Variants in CACNA2D3 observed in about 807,000 individuals in gnomAD.
CACNA2D3 encodes voltage-dependent calcium channel subunit alpha-2/delta-3.
A neutral mutation model predicts 160.6 loss-of-function variants in CACNA2D3; 60 were observed. That is an observed-to-expected ratio of 0.37 (90% CI 0.30 to 0.46). The LOEUF (loss-of-function observed/expected upper bound fraction) is 0.46, where lower values mean the gene tolerates loss of function less well. CACNA2D3 is among the 20% of genes least tolerant of loss of function. The probability of loss-of-function intolerance (pLI) is 1.00; values close to 1 mark genes in which losing one functional copy is unlikely to be tolerated. For missense variants in CACNA2D3, 1,205 were observed against 1,365.0 expected, an observed-to-expected ratio of 0.88 and a Z score of 1.85; for synonymous variants, 558 against 492.9, an observed-to-expected ratio of 1.13 and a Z score of -1.75.
rs150642927 is a variant in CACNA2D3 at position 54,561,848 on chromosome 3, AACTGACTC to A, written c.545-949_545-942del. Among the ~76,000 whole-genome samples the A allele has an allele frequency of 1.1e-3, 162 of 152,328 alleles. No individual in the cohort carries two copies. In the East Asian group the frequency reaches 0.016, roughly 15 times the overall value. The stretch of plus-strand genomic sequence containing the variant: ...GATAATTTATAAAGGAAAGAGGTTT[AACTGACTC>A]ACAGTTCCACATGGCTGGGGAGGCC... On this transcript the variant is annotated intron_variant, in intron 5 of 37. Transcript: ENST00000474759.
intron 4 of CACNA2D3, among the ~76,000 whole-genome samples, chr3:54,438,758 CA>C (rs1161015853): frequency 6.6e-6 from 1 of 152,174 alleles, no homozygotes; most frequent in African/African-American, 2.4e-5. Flanking sequence ...GGTAATTTAA[CA>C]ATCATTAAGG....
intron 31 of CACNA2D3, among the ~76,000 whole-genome samples, chr3:54,995,785 A>T (rs1293955800): frequency 6.6e-6 from 1 of 152,216 alleles, no homozygotes; most frequent in Non-Finnish European, 1.5e-5. Flanking sequence ...TTATTGTGAA[A>T]CTACTGATAG....
chr3:55,003,077 C>T (rs1703017530), intron 31 of CACNA2D3, among the ~76,000 whole-genome samples: 1 of 152,200 alleles, frequency 6.6e-6, no homozygotes, highest in African/African-American at 2.4e-5. Flanking sequence ...AGTCCTGCTG[C>T]ATGAAGCTTT....
At chr3:54,441,842 A>G (rs545850554) in intron 4 of CACNA2D3, among the ~76,000 whole-genome samples, 226 of 152,348 alleles carry the variant, frequency 1.5e-3, no homozygotes, top group Non-Finnish European at 2.6e-3. Context: ...GACGAATGAT[A>G]TATTTGATTG....
intron 25 of CACNA2D3, among the ~76,000 whole-genome samples, chr3:54,892,242 A>AGT (rs139414837): frequency 0.014 from 2,168 of 152,100 alleles, 43 homozygotes; most frequent in African/African-American, 0.049. Context: ...GTGGTTTGCA[A>AGT]GTGTGTGTGT....
chr3:54,808,362 C>T (rs1293350664), intron 13 of CACNA2D3, among the ~76,000 whole-genome samples: 1 of 152,130 alleles, frequency 6.6e-6, no homozygotes, highest in Non-Finnish European at 1.5e-5. Flanking sequence ...CACTGCCATG[C>T]CCTCCCTGCT....
chr3:54,718,445 C>A (rs1468970298), intron 11 of CACNA2D3, among the ~76,000 whole-genome samples: 1 of 151,942 alleles, frequency 6.6e-6, no homozygotes, highest in South Asian at 2.1e-4. Flanking sequence ...GTTGATGCAG[C>A]ACGATTTATG....
intron 4 of CACNA2D3, among the ~76,000 whole-genome samples, chr3:54,489,656 G>A (rs1178350000): frequency 6.6e-6 from 1 of 152,208 alleles, no homozygotes; most frequent in Admixed American, 6.5e-5. Context: ...GTGTGCTGGA[G>A]TTAAACACTT....
At chr3:54,220,811 C>T (rs1701553768) in intron 2 of CACNA2D3, among the ~76,000 whole-genome samples, 2 of 152,204 alleles carry the variant, frequency 1.3e-5, no homozygotes, top group South Asian at 4.1e-4. Flanking sequence ...GTGTCCTGCT[C>T]AGCTATGCTG....
chr3:54,291,095 G>A (rs58876684), intron 2 of CACNA2D3, among the ~76,000 whole-genome samples: 30,881 of 152,062 alleles, frequency 0.2, 3,294 homozygotes, highest in East Asian at 0.25. Flanking sequence ...TACACAGGAT[G>A]GATGGAAAAC....
At chr3:54,676,039 TC>T (rs1198995766) in intron 11 of CACNA2D3, among the ~76,000 whole-genome samples, 1 of 152,202 alleles carries the variant, frequency 6.6e-6, no homozygotes, top group Non-Finnish European at 1.5e-5. Context: ...TGCTGGGTTT[TC>T]ATTTCAGTGC....
intron 4 of CACNA2D3, among the ~76,000 whole-genome samples, chr3:54,392,553 G>A (rs1014801907): frequency 2.6e-5 from 4 of 152,144 alleles, no homozygotes; most frequent in Non-Finnish European, 4.4e-5. Flanking sequence ...ACATTCAGAG[G>A]GATAACAGGT....
intron 2 of CACNA2D3, among the ~76,000 whole-genome samples, chr3:54,228,138 A>G (rs1042214375): frequency 6.6e-6 from 1 of 152,192 alleles, no homozygotes; most frequent in Non-Finnish European, 1.5e-5. Flanking sequence ...CTTAGACACT[A>G]GGGACAGTAG....
At chr3:54,708,597 G>A (rs1328038187) in intron 11 of CACNA2D3, among the ~76,000 whole-genome samples, 1 of 152,162 alleles carries the variant, frequency 6.6e-6, no homozygotes, top group African/African-American at 2.4e-5. Flanking sequence ...CTTGGCCCAA[G>A]TATGCAGGAG....
intron 9 of CACNA2D3, among the ~76,000 whole-genome samples, chr3:54,595,569 GC>G (rs1702939607): frequency 1.3e-5 from 2 of 152,188 alleles, no homozygotes; most frequent in South Asian, 4.2e-4. Context: ...CAGTGCCCAT[GC>G]CTTTCTTTGC....
chr3:54,804,789 A>G (rs2951875), intron 13 of CACNA2D3, among the ~76,000 whole-genome samples: 112,059 of 152,030 alleles, frequency 0.74, 41,719 homozygotes, highest in African/African-American at 0.83. Context: ...AGAATTGACC[A>G]CATAGTTGGA....
chr3:54,753,286 C>G (rs1701902438), intron 12 of CACNA2D3, among the ~76,000 whole-genome samples: 1 of 152,234 alleles, frequency 6.6e-6, no homozygotes, highest in Non-Finnish European at 1.5e-5. Context: ...TCCGTATGCT[C>G]TCTCATCATT....
At chr3:54,569,314 G>A (rs1016061454) in intron 6 of CACNA2D3, among the ~76,000 whole-genome samples, 4 of 152,162 alleles carry the variant, frequency 2.6e-5, no homozygotes, top group Non-Finnish European at 5.9e-5. Context: ...CAGGAGTGAG[G>A]AGGGAACAGA....
intron 35 of CACNA2D3, among the ~76,000 whole-genome samples, chr3:55,050,704 A>G (rs975731052): frequency 2.2e-5 from 3 of 133,896 alleles, no homozygotes; most frequent in African/African-American, 9.4e-5. Flanking sequence ...AGTGTTTTCC[A>G]TCTTGGTTCC....
Sources: allele counts gnomAD v4.1 joint callset (sites outside exome capture counted in the v4.1 genomes callset), GRCh38; gene constraint gnomAD v4.1.1; transcripts MANE v1.5; gene names NCBI Gene and HGNC (gene_info 2026-07-23, HGNC 2026-07-21).